PACRG: variants seen among roughly 807,000 people sequenced by gnomAD.
PACRG encodes the protein parkin coregulated gene protein.
Under a neutral mutation model 29.7 loss-of-function variants are expected in PACRG, and 29 were observed. The observed-to-expected ratio is 0.98, with a 90% confidence interval of 0.73 to 1.33. The LOEUF (loss-of-function observed/expected upper bound fraction) is 1.33, where lower values mean the gene tolerates loss of function less well. PACRG is among the 40% of genes most tolerant of loss of function. PACRG has a pLI of 0.00. For synonymous variants in PACRG, 116 were observed against 118.7 expected (o/e 0.98, Z 0.15); for missense variants, 279 against 316.2 (o/e 0.88, Z 0.89).
chr6:163,163,576 G>C lies in PACRG; in HGVS notation c.613+74168G>C, dbSNP rs142150571. On this transcript the variant is annotated intron_variant, in intron 4 of 4. Transcript: ENST00000366888. ...CGTGAGCCACCGTACCCGGCCTTCA[G>C]CTCCACTTTTGAGCTAGATTTAAAT... Among the ~76,000 whole-genome samples the C allele has an allele frequency of 4.7e-4, 72 of 152,248 alleles. No homozygotes were observed. In the East Asian group the frequency reaches 0.01, roughly 21 times the overall value.
chr6:162,782,143 C>G (rs769954596), intron 1 of PACRG, among the ~76,000 whole-genome samples: 3 of 151,744 alleles, frequency 2.0e-5, no homozygotes, highest in Non-Finnish European at 4.4e-5. Flanking sequence ...GATTTCAGAA[C>G]AGAGAATATT....
intron 4 of PACRG, among the ~76,000 whole-genome samples, chr6:163,181,191 T>G (rs1779639565): frequency 6.6e-6 from 1 of 152,240 alleles, no homozygotes; most frequent in African/African-American, 2.4e-5. Flanking sequence ...CGAGTCAGAC[T>G]GACCCTGAAA....
chr6:163,141,595 AAAAGATTT>A (rs1817154258), intron 4 of PACRG, among the ~76,000 whole-genome samples: 1 of 152,112 alleles, frequency 6.6e-6, no homozygotes, highest in Non-Finnish European at 1.5e-5. Context: ...AAACCATGCT[AAAAGATTT>A]AAAGAAAAAA....
chr6:163,160,215 C>T (rs1405537579), intron 4 of PACRG, among the ~76,000 whole-genome samples: 1 of 152,072 alleles, frequency 6.6e-6, no homozygotes, highest in Non-Finnish European at 1.5e-5. Context: ...TTAATGCTTC[C>T]AAGAAACTTA....
intron 4 of PACRG, among the ~76,000 whole-genome samples, chr6:163,220,050 C>G (rs1406263501): frequency 1.3e-5 from 2 of 152,188 alleles, no homozygotes; most frequent in Non-Finnish European, 2.9e-5. Flanking sequence ...TGCATTAGCT[C>G]TCTTTCTCCC....
chr6:162,822,221 G>T (rs891635795), intron 2 of PACRG, among the ~76,000 whole-genome samples: 1 of 152,006 alleles, frequency 6.6e-6, no homozygotes. Context: ...AGTTTTCAGC[G>T]GTCATTACTA....
chr6:162,786,262 C>G (rs913675162), intron 1 of PACRG, among the ~76,000 whole-genome samples: 1 of 152,142 alleles, frequency 6.6e-6, no homozygotes, highest in African/African-American at 2.4e-5. Context: ...TGAAGACTGA[C>G]TATAATCTAC....
intron 2 of PACRG, among the ~76,000 whole-genome samples, chr6:162,947,637 T>A (rs1272542318): frequency 1.2e-5 from 1 of 80,952 alleles, no homozygotes; most frequent in African/African-American, 4.9e-5. Context: ...TATATATATA[T>A]ATATATATAT....
In PACRG at chr6:162,936,391, T is replaced by C. The variant is rs1798235246; in HGVS notation, c.291+122110T>C. ...AATTTTGTTTATAAATGTATTAACTTAAACAATCTTTGCTATTCACTCAAC... is the reference window on the plus strand; with the variant it reads ...AATTTTGTTTATAAATGTATTAACTCAAACAATCTTTGCTATTCACTCAAC... On this transcript the variant is annotated intron_variant, in intron 2 of 4. Transcript: ENST00000366888. Among the ~76,000 whole-genome samples the C allele has an allele frequency of 2.6e-5, 4 of 152,242 alleles. No homozygotes were observed. In the South Asian group the frequency reaches 8.3e-4, roughly 31 times the overall value.
At chr6:162,745,144 G>A (rs1051066005) in intron 1 of PACRG, among the ~76,000 whole-genome samples, 12 of 151,992 alleles carry the variant, frequency 7.9e-5, no homozygotes, top group African/African-American at 2.7e-4. Flanking sequence ...TTTTGCTTCT[G>A]CTTCCTTAGT....
At chr6:163,167,256 G>T (rs181241225) in intron 4 of PACRG, among the ~76,000 whole-genome samples, 2 of 152,302 alleles carry the variant, frequency 1.3e-5, no homozygotes, top group East Asian at 1.9e-4. Flanking sequence ...AATACTTATA[G>T]AATTTTTATT....
intron 1 of PACRG, among the ~76,000 whole-genome samples, chr6:162,803,891 A>G (rs903843138): frequency 6.6e-6 from 1 of 152,192 alleles, no homozygotes. Context: ...TCTGAAGGAA[A>G]TAATATAAAA....
chr6:163,079,567 T>C (rs866269908), intron 3 of PACRG, among the ~76,000 whole-genome samples: 4 of 152,188 alleles, frequency 2.6e-5, no homozygotes, highest in Admixed American at 1.3e-4. Context: ...GAGGTTAGCT[T>C]GGCTGGCCTT....
At chr6:163,025,950 CT>C (rs1807087933) in intron 2 of PACRG, among the ~76,000 whole-genome samples, 1 of 152,174 alleles carries the variant, frequency 6.6e-6, no homozygotes, top group Non-Finnish European at 1.5e-5. Flanking sequence ...TAAAATAAAG[CT>C]ATTCTATAAA....
intron 4 of PACRG, among the ~76,000 whole-genome samples, chr6:163,240,008 CCACATA>C (rs1320242104): frequency 2.0e-5 from 3 of 148,412 alleles, no homozygotes; most frequent in African/African-American, 5.0e-5. Flanking sequence ...ACCCCCATGC[CCACATA>C]CACATACACA....
At chr6:163,226,159 A>C (rs756141135) in intron 4 of PACRG, among the ~76,000 whole-genome samples, 2 of 152,268 alleles carry the variant, frequency 1.3e-5, no homozygotes, top group Non-Finnish European at 2.9e-5. Context: ...CTAAAGTCAA[A>C]TTCATAGAAG....
At chr6:163,144,345 CAT>C (rs67509707) in intron 4 of PACRG, among the ~76,000 whole-genome samples, 44,748 of 139,178 alleles carry the variant, frequency 0.32, 7,179 homozygotes, top group East Asian at 0.54. Flanking sequence ...CACACACATA[CAT>C]ACACACACAC....
intron 4 of PACRG, among the ~76,000 whole-genome samples, chr6:163,112,265 T>G (rs1815756849): frequency 1.3e-5 from 2 of 152,248 alleles, no homozygotes; most frequent in Admixed American, 1.3e-4. Context: ...TTCAGTCATA[T>G]AAGCTGGTAG....
chr6:162,867,854 A>G (rs1425925973), intron 2 of PACRG, among the ~76,000 whole-genome samples: 1 of 152,156 alleles, frequency 6.6e-6, no homozygotes, highest in African/African-American at 2.4e-5. Flanking sequence ...GTAGAGGGAA[A>G]GAACCAGGCC....
Sources: allele counts gnomAD v4.1 joint callset (sites outside exome capture counted in the v4.1 genomes callset), GRCh38; gene constraint gnomAD v4.1.1; transcripts MANE v1.5; gene names NCBI Gene and HGNC (gene_info 2026-07-23, HGNC 2026-07-21).